Variants in DDC observed in about 807,000 individuals in gnomAD.
The protein encoded by DDC is aromatic-L-amino-acid decarboxylase.
A neutral mutation model predicts 60.0 loss-of-function variants in DDC; 43 were observed. The observed-to-expected ratio is 0.72, with a 90% CI of 0.56 to 0.92. DDC has a LOEUF of 0.92. Ranked by LOEUF, DDC falls within the 40% of genes least tolerant of loss-of-function variation. The pLI is 0.00. For synonymous variants in DDC, 232 were observed against 234.6 expected (o/e 0.99, Z 0.10); for missense variants, 573 against 620.2 (o/e 0.92, Z 0.81).
intron 6 of DDC, among the ~76,000 whole-genome samples, chr7:50,507,453 A>G (rs2043431407): frequency 6.6e-6 from 1 of 152,174 alleles, no homozygotes; most frequent in Non-Finnish European, 1.5e-5. Context: ...GCTGGTCTCT[A>G]ACTTCTGACC....
chr7:50,497,282 G>A (rs886499840), intron 8 of DDC, among the ~76,000 whole-genome samples: 4 of 152,208 alleles, frequency 2.6e-5, no homozygotes, highest in African/African-American at 9.7e-5. Context: ...ATGAAATCCT[G>A]TCTGTTGCTG....
At chr7:50,541,074 T>C (rs940606895) in intron 2 of DDC, among the ~76,000 whole-genome samples, 2 of 152,230 alleles carry the variant, frequency 1.3e-5, no homozygotes, top group Non-Finnish European at 2.9e-5. Flanking sequence ...CCCCTGTGCA[T>C]GGAGAAGGTA....
chr7:50,533,673 A>G (rs1585246191), intron 4 of DDC, among the ~76,000 whole-genome samples: 1 of 152,220 alleles, frequency 6.6e-6, no homozygotes, highest in East Asian at 1.9e-4. Flanking sequence ...GAAATATCGA[A>G]AGGAAGAGAG....
At chr7:50,540,866 G>A (rs561216639) in intron 2 of DDC, among the ~76,000 whole-genome samples, 1 of 152,322 alleles carries the variant, frequency 6.6e-6, no homozygotes, top group Admixed American at 6.5e-5. Context: ...GGTTGTGGTG[G>A]ACACCCAGGC....
At chr7:50,474,605 C>T (rs17152014) in intron 11 of DDC, among the ~76,000 whole-genome samples, 6,824 of 152,204 alleles carry the variant, frequency 0.045, 322 homozygotes, top group African/African-American at 0.12. Flanking sequence ...CTGCTAGATG[C>T]GGGCAGAGCT....
intron 4 of DDC, 38 bp from the exon 5 acceptor site, chr7:50,529,380 T>A: frequency 6.2e-7 from 1 of 1,612,520 alleles, no homozygotes; most frequent in Non-Finnish European, 8.5e-7. Flanking sequence ...ATCCCAAACA[T>A]AGCGAAGGCA....
intron 9 of DDC, among the ~76,000 whole-genome samples, chr7:50,484,246 C>A (rs1032080161): frequency 6.6e-6 from 1 of 152,166 alleles, no homozygotes; most frequent in African/African-American, 2.4e-5. Flanking sequence ...CTGGCTTTGT[C>A]GATCCTCTCT....
intron 13 of DDC, among the ~76,000 whole-genome samples, chr7:50,465,471 AT>A (rs10710723): frequency 1 from 152,298 of 152,298 alleles, 76,149 homozygotes; most frequent in Non-Finnish European, 1. Context: ...CCCAGGTTCA[AT>A]GTGGTTCTCC....
intron 1 of DDC, among the ~76,000 whole-genome samples, chr7:50,554,876 G>A (rs1334488596): frequency 2.6e-5 from 4 of 152,196 alleles, no homozygotes; most frequent in African/African-American, 9.7e-5. Flanking sequence ...TGGGTAAAAA[G>A]CAACATAAAG....
chr7:50,523,107 A>C (rs2043945100), intron 6 of DDC, among the ~76,000 whole-genome samples: 1 of 152,188 alleles, frequency 6.6e-6, no homozygotes, highest in Non-Finnish European at 1.5e-5. Flanking sequence ...CAACATCTAC[A>C]TGCAAAAAAT....
At position 50,544,835 on chromosome 7, in the gene DDC, G is replaced by A. The variant is rs545177753; in HGVS notation, c.-28-722C>T. ...TAGGGGAAATACAATTTCCTGAAGC[G>A]TGATCCCAACATTTTTGTCAACAAA... On this transcript the variant is annotated intron_variant, in intron 1 of 14. Coordinates refer to ENST00000444124, the MANE Select transcript of DDC (RefSeq NM_001082971.2). Among the ~76,000 whole-genome samples the A allele has an allele frequency of 5.3e-5, 8 of 152,238 alleles. No individual in the cohort carries two copies. In the East Asian group the frequency reaches 7.7e-4, roughly 15 times the overall value.
At chr7:50,500,140 C>T (rs2043216112) in intron 7 of DDC, among the ~76,000 whole-genome samples, 1 of 152,084 alleles carries the variant, frequency 6.6e-6, no homozygotes. Flanking sequence ...GCGCGAGCCA[C>T]CCTCACCTCA....
chr7:50,506,597 G>C (rs913140123), intron 6 of DDC, among the ~76,000 whole-genome samples: 4 of 152,224 alleles, frequency 2.6e-5, no homozygotes, highest in African/African-American at 7.2e-5. Flanking sequence ...GGGTCAGCAA[G>C]ACCCAAAGGT....
At chr7:50,474,641 T>A (rs2042602337) in intron 11 of DDC, among the ~76,000 whole-genome samples, 1 of 152,238 alleles carries the variant, frequency 6.6e-6, no homozygotes, top group African/African-American at 2.4e-5. Flanking sequence ...TTGGGCAATG[T>A]AACATAAGCC....
At chr7:50,525,624 C>T (rs745660806) in intron 6 of DDC, among the ~76,000 whole-genome samples, 7 of 151,910 alleles carry the variant, frequency 4.6e-5, no homozygotes, top group Non-Finnish European at 8.8e-5. Context: ...ATTAGCCAGG[C>T]GTGGTGGTAC....
chr7:50,504,036 T>A lies in DDC; in HGVS notation c.738A>T (p.Thr246=). 6.2e-7 allele frequency: 1 copy of A among 1,613,964 alleles called. No individual in the cohort carries two copies. Among genetic ancestry groups the A allele is most frequent in the Non-Finnish European group, 8.5e-7 (1 of 1,179,800 alleles). The change falls in exon 7 of 15, where the codon ACA becomes ACT. Residue 246 remains threonine, a synonymous_variant. Transcript: ENST00000444124. ...PFFMVATLGT[T]TCCSFDNLLE... ...AGAGATTGTCAAAGGAGCAGCATGTTGTGGTCCCCAGGGTGGCAACCATCT... is the reference window on the plus strand; with the variant it reads ...AGAGATTGTCAAAGGAGCAGCATGTAGTGGTCCCCAGGGTGGCAACCATCT...
intron 6 of DDC, among the ~76,000 whole-genome samples, chr7:50,511,097 AATTT>A (rs1345763869): frequency 2.0e-5 from 3 of 150,220 alleles, no homozygotes; most frequent in Non-Finnish European, 4.4e-5. Flanking sequence ...AATAATATAT[AATTT>A]ATTTAATAGG....
intron 14 of DDC, among the ~76,000 whole-genome samples, chr7:50,461,133 C>T (rs994985602): frequency 1.3e-4 from 20 of 151,632 alleles, no homozygotes; most frequent in Admixed American, 2.6e-4. Context: ...AAAGAACGAA[C>T]GTATAATTTC....
At chr7:50,486,297 A>G (rs1173894604) in intron 9 of DDC, among the ~76,000 whole-genome samples, 1 of 152,210 alleles carries the variant, frequency 6.6e-6, no homozygotes, top group Admixed American at 6.5e-5. Context: ...TGGTTTGCAT[A>G]CTATCAGATA....
Sources: allele counts gnomAD v4.1 joint callset (sites outside exome capture counted in the v4.1 genomes callset), GRCh38; gene constraint gnomAD v4.1.1; transcripts MANE v1.5; gene names NCBI Gene and HGNC (gene_info 2026-07-23, HGNC 2026-07-21).